The following RBFOX2 variants were observed in gnomAD, a reference collection of about 807,000 sequenced individuals.
RBFOX2 encodes the protein RNA binding fox-1 homolog 2.
Under a neutral mutation model 49.1 loss-of-function variants are expected in RBFOX2, and 10 were observed. The ratio of observed to expected loss-of-function variants is 0.20; its 90% CI spans 0.13 to 0.35. RBFOX2 has a LOEUF of 0.35. Ranked by LOEUF, RBFOX2 falls within the 10% of genes least tolerant of loss-of-function variation. The probability of loss-of-function intolerance (pLI) is 1.00; values close to 1 mark genes in which losing one functional copy is unlikely to be tolerated. For missense variants in RBFOX2, 323 were observed against 486.9 expected (o/e 0.66, Z 3.17); for synonymous variants, 183 against 187.4 (o/e 0.98, Z 0.19).
intron 1 of RBFOX2, among the ~76,000 whole-genome samples, chr22:35,933,926 T>TTATACATA (rs1556421195): frequency 1.7e-5 from 2 of 118,018 alleles, no homozygotes; most frequent in African/African-American, 7.9e-5. Flanking sequence ...TAATTAAATG[T>TTATACATA]TATATATATA....
At chr22:35,822,981 G>A (rs938636187) in intron 1 of RBFOX2, 22 of 315,414 alleles carry the variant, frequency 7.0e-5, no homozygotes, top group African/African-American at 2.9e-4. Flanking sequence ...CTGCCACCAC[G>A]CCTGGCTAAT....
chr22:35,807,222 A>G (rs1408613083), intron 2 of RBFOX2, among the ~76,000 whole-genome samples: 4 of 152,238 alleles, frequency 2.6e-5, no homozygotes, highest in Non-Finnish European at 5.9e-5. Context: ...GATTACATTA[A>G]TATCAGACAA....
intron 1 of RBFOX2, among the ~76,000 whole-genome samples, chr22:35,885,347 C>G (rs926872643): frequency 1.5e-4 from 23 of 152,022 alleles, no homozygotes; most frequent in Admixed American, 2.0e-4. Context: ...AAGTACTGTA[C>G]AAGAAGCAGA....
At chr22:35,924,300 C>A (rs965401604) in intron 1 of RBFOX2, among the ~76,000 whole-genome samples, 2 of 152,154 alleles carry the variant, frequency 1.3e-5, no homozygotes, top group African/African-American at 4.8e-5. Flanking sequence ...TTATCTTAAA[C>A]GATCCTGTGA....
intron 1 of RBFOX2, among the ~76,000 whole-genome samples, chr22:35,944,844 G>C (rs572481030): frequency 6.6e-6 from 1 of 152,178 alleles, no homozygotes; most frequent in African/African-American, 2.4e-5. Flanking sequence ...GGGAGGGTGA[G>C]GTGGGAGGAT....
intron 1 of RBFOX2, among the ~76,000 whole-genome samples, chr22:35,938,074 C>G (rs1439152886): frequency 6.6e-6 from 1 of 152,126 alleles, no homozygotes; most frequent in Non-Finnish European, 1.5e-5. Flanking sequence ...CTAGGAGCTA[C>G]CCTTTCAAAT....
At chr22:35,965,403 G>A (rs1446928976), upstream of RBFOX2, among the ~76,000 whole-genome samples, 1 of 152,092 alleles carries the variant, frequency 6.6e-6, no homozygotes, top group Admixed American at 6.6e-5. Context: ...AGAGTAAAAG[G>A]GGGGAAAAAA....
chr22:35,981,263 C>T (rs940505197), intron 1 of RBFOX2, among the ~76,000 whole-genome samples: 3 of 152,168 alleles, frequency 2.0e-5, no homozygotes, highest in African/African-American at 7.2e-5. Flanking sequence ...CAGAGTTATA[C>T]ACAGAATGTA....
At chr22:36,021,806 TAACTAGATC>T (rs1220641822) in intron 1 of RBFOX2, among the ~76,000 whole-genome samples, 1 of 152,232 alleles carries the variant, frequency 6.6e-6, no homozygotes, top group Admixed American at 6.5e-5. Context: ...GCTACTTTCC[TAACTAGATC>T]AGCATCAGCC....
intron 1 of RBFOX2, among the ~76,000 whole-genome samples, chr22:35,991,435 G>A (rs976110899): frequency 6.6e-6 from 1 of 152,160 alleles, no homozygotes; most frequent in Non-Finnish European, 1.5e-5. Flanking sequence ...GTATTGCAAG[G>A]TTTCTTTAAA....
At chr22:35,760,091 C>T (rs1938234717) in intron 8 of RBFOX2, 71 bp from the exon 10 acceptor site, 4 of 1,569,188 alleles carry the variant, frequency 2.5e-6, no homozygotes, top group Non-Finnish European at 3.5e-6. Context: ...TCACAACTTG[C>T]TATGAACCAA....
chr22:35,764,172 G>C (rs1010190742), intron 6 of RBFOX2, among the ~76,000 whole-genome samples: 1 of 152,028 alleles, frequency 6.6e-6, no homozygotes, highest in Non-Finnish European at 1.5e-5. Context: ...GTGAAAAGCT[G>C]GGCTAAATAT....
chr22:36,004,712 T>C (rs1055899472), intron 1 of RBFOX2, among the ~76,000 whole-genome samples: 2 of 151,970 alleles, frequency 1.3e-5, no homozygotes, highest in African/African-American at 2.4e-5. Flanking sequence ...AGGAGAATCA[T>C]TTGAACCCAG....
At chr22:35,955,837 C>T (rs534345002) in intron 1 of RBFOX2, among the ~76,000 whole-genome samples, 2 of 152,286 alleles carry the variant, frequency 1.3e-5, no homozygotes, top group South Asian at 4.1e-4. Context: ...CTCATACCTG[C>T]TTCTGCATTC....
At chr22:35,793,238 G>T (rs1489909044) in intron 2 of RBFOX2, among the ~76,000 whole-genome samples, 1 of 152,240 alleles carries the variant, frequency 6.6e-6, no homozygotes, top group African/African-American at 2.4e-5. Flanking sequence ...GCCAGGTGTG[G>T]TGGCAGGCGC....
intron 9 of RBFOX2, among the ~76,000 whole-genome samples, chr22:35,754,096 C>CTTTTTTTTTTTTTT (rs1241289281): frequency 1.5e-5 from 2 of 134,258 alleles, no homozygotes; most frequent in African/African-American, 5.5e-5. Flanking sequence ...GTAGGCAAGT[C>CTTTTTTTTTTTTTT]TTTTTTTTTT....
intron 1 of RBFOX2, chr22:35,898,304 C>CT (rs2048124670): frequency 1.4e-6 from 1 of 740,108 alleles, no homozygotes. Context: ...ATGAAGCTGG[C>CT]AATGGAGTGG....
intron 1 of RBFOX2, among the ~76,000 whole-genome samples, chr22:35,901,440 G>C (rs1247917423): frequency 1.3e-5 from 2 of 152,126 alleles, no homozygotes; most frequent in Non-Finnish European, 2.9e-5. Flanking sequence ...CTTGAGCTCA[G>C]GAGTTTGAGA....
In RBFOX2 at chr22:35,839,122, G is replaced by A. The variant is rs1300101486; in HGVS notation, c.27+1070C>T. On this transcript the variant is annotated intron_variant, in intron 1 of 11. Coordinates refer to ENST00000405409, the Ensembl canonical transcript of RBFOX2. ...TCCACAGAGCATAGAAACCTGGAGT[G>A]AAACTGATCTTAAGTCTGAGACTAA... Among the ~76,000 whole-genome samples the A allele has an allele frequency of 2.6e-5, 4 of 152,328 alleles. No homozygotes were observed. The East Asian group carries it at 5.8e-4, about 22-fold the overall frequency.
Sources: allele counts gnomAD v4.1 joint callset (sites outside exome capture counted in the v4.1 genomes callset), GRCh38; gene constraint gnomAD v4.1.1; transcripts MANE v1.5; gene names NCBI Gene and HGNC (gene_info 2026-07-23, HGNC 2026-07-21).